The following RPN1 variants were observed in gnomAD, a reference collection of about 807,000 sequenced individuals.
RPN1 encodes the protein dolichyl-diphosphooligosaccharide--protein glycosyltransferase subunit 1.
Under a neutral mutation model 55.5 loss-of-function variants are expected in RPN1, and 12 were observed. That is an observed-to-expected ratio of 0.22 (90% CI 0.14 to 0.35). The LOEUF is 0.35. RPN1 is among the 10% of genes least tolerant of loss of function. The probability of loss-of-function intolerance (pLI) is 1.00; values close to 1 mark genes in which losing one functional copy is unlikely to be tolerated. For missense variants in RPN1, 679 were observed against 761.3 expected, an observed-to-expected ratio of 0.89 and a Z score of 1.27; for synonymous variants, 317 against 305.9, an observed-to-expected ratio of 1.04 and a Z score of -0.38.
intron 5 of RPN1, among the ~76,000 whole-genome samples, chr3:128,629,516 G>A (rs1260884635): frequency 2.0e-5 from 3 of 152,004 alleles, no homozygotes; most frequent in Non-Finnish European, 2.9e-5. Flanking sequence ...AGCCAAAATC[G>A]CACCATTCCA....
rs571683638 is a variant in RPN1 at position 128,630,575 on chromosome 3, T to C, written c.844-432A>G. On this transcript the variant is annotated intron_variant, in intron 4 of 9. Transcript: ENST00000296255. ...CAAATCTGTCAGTGTATTTTGATCA[T>C]GGGAGGAAGGTATAATACCTTTGTT... is the stretch of plus-strand genomic sequence containing the variant. 3.9e-5 allele frequency among the ~76,000 whole-genome samples: 6 copies of C among 152,272 alleles called. No homozygotes were observed. In the South Asian group the frequency reaches 1.0e-3, roughly 26 times the overall value.
intron 2 of RPN1, among the ~76,000 whole-genome samples, chr3:128,642,891 G>A (rs2069736861): frequency 6.6e-6 from 1 of 151,804 alleles, no homozygotes; most frequent in South Asian, 2.1e-4. Context: ...GGTAGCACGC[G>A]CCTTAATCCC....
At chr3:128,640,197 A>G (rs1351295869) in intron 2 of RPN1, among the ~76,000 whole-genome samples, 1 of 152,056 alleles carries the variant, frequency 6.6e-6, no homozygotes, top group Admixed American at 6.6e-5. Flanking sequence ...AGAAAAACAG[A>G]TGGCCTGGAA....
At chr3:128,622,497 G>T in intron 8 of RPN1, 88 bp from the exon 9 acceptor site, 1 of 1,530,872 alleles carries the variant, frequency 6.5e-7, no homozygotes, top group Non-Finnish European at 8.9e-7. Context: ...GCCACCAGCA[G>T]CCATCCAAAA....
intron 8 of RPN1, among the ~76,000 whole-genome samples, chr3:128,623,821 G>A (rs572373984): frequency 4.6e-5 from 7 of 152,236 alleles, no homozygotes; most frequent in African/African-American, 1.2e-4. Flanking sequence ...AGTTCTGAAC[G>A]TGCTGTTCTA....
intron 1 of RPN1, among the ~76,000 whole-genome samples, chr3:128,649,561 G>C (rs1576801417): frequency 6.6e-6 from 1 of 152,186 alleles, no homozygotes; most frequent in African/African-American, 2.4e-5. Context: ...AACGAAGTGT[G>C]CTTAGAAGAA....
rs754134712 is a variant in RPN1 at position 128,620,422 on chromosome 3, C to A, written c.1813G>T (p.Asp605Tyr). Residue 605 changes from aspartate to tyrosine, a missense_variant, in exon 10 of 10, where the codon GAT becomes TAT. Transcript: ENST00000296255. ...GATGCGGGCAGGGGCTACAGGGCAT[C>A]CAGGATGTGGTCGATCTTGGTGACC... is the stretch of plus-strand genomic sequence containing the variant. ...ELVTKIDHILDAL is the reference protein window; with the variant it reads ...ELVTKIDHILYAL 6.2e-7 allele frequency: 1 copy of A among 1,613,456 alleles called. No individual in the cohort carries two copies. Among genetic ancestry groups the A allele is most frequent in the Admixed American group, 1.7e-5 (1 of 59,974 alleles).
chr3:128,625,730 C>T (rs1215130456), intron 7 of RPN1, 77 bp from the exon 8 acceptor site: 16 of 1,598,372 alleles, frequency 1.0e-5, no homozygotes, highest in Non-Finnish European at 1.2e-5. Flanking sequence ...CTGGCCCACT[C>T]GACCTGCTGC....
chr3:128,630,288 G>C lies in RPN1; in HGVS notation c.844-145C>G, dbSNP rs187476415. ...CCCCAAACATAAACAACCTAAAAAA[G>C]TCTAACTTTCCCCACAAAGGTTTGC... On this transcript the variant is annotated intron_variant, in intron 4 of 9. Coordinates refer to ENST00000296255, the MANE Select transcript of RPN1 (RefSeq NM_002950.4). The C allele has an allele frequency of 2.1e-3, 1,102 of 512,948 alleles. 10 individuals carry two copies. The highest frequency in any genetic ancestry group is 0.013 in the African/African-American group (653 of 51,298). 31.8% of individuals were successfully genotyped at this position (512,948 alleles called of 1,614,324 possible).
intron 2 of RPN1, among the ~76,000 whole-genome samples, chr3:128,642,118 T>C (rs1284684968): frequency 6.6e-6 from 1 of 152,034 alleles, no homozygotes; most frequent in Admixed American, 6.6e-5. Flanking sequence ...ACAGACAGGG[T>C]ACTCAGACAG....
intron 1 of RPN1, among the ~76,000 whole-genome samples, chr3:128,647,059 GA>G (rs2107722849): frequency 6.6e-6 from 1 of 151,968 alleles, no homozygotes; most frequent in East Asian, 1.9e-4. Flanking sequence ...ACAGCAACAA[GA>G]TACATAACCA....
intron 1 of RPN1, among the ~76,000 whole-genome samples, chr3:128,645,354 C>T (rs1431161391): frequency 6.6e-6 from 1 of 152,030 alleles, no homozygotes; most frequent in Non-Finnish European, 1.5e-5. Flanking sequence ...CCTGTAATCC[C>T]AGCTACTCGG....
intron 3 of RPN1, among the ~76,000 whole-genome samples, chr3:128,636,222 A>G (rs145395415): frequency 1.3e-3 from 204 of 152,282 alleles, no homozygotes; most frequent in African/African-American, 4.7e-3. Flanking sequence ...GCACTTTGGG[A>G]GGCCGAGGCA....
Position 128,650,709 on chromosome 3 carries a change from A to T in RPN1, c.92T>A (p.Leu31Gln). ...TGTGCGCTTCACGTCCTCATTGATCAGCGGCGGTGCCTCGGAGGAGGCGCT... is the reference window on the plus strand; with the variant it reads ...TGTGCGCTTCACGTCCTCATTGATCTGCGGCGGTGCCTCGGAGGAGGCGCT... The part of the protein sequence containing the change: ...PGSASSEAPP[L>Q]INEDVKRTVD... The change falls in exon 1 of 10, where the codon CTG (leucine) becomes CAG (glutamine). Residue 31 changes from leucine to glutamine, a missense_variant. Transcript: ENST00000296255. 1 of 1,566,854 alleles carries T rather than the reference A, an allele frequency of 6.4e-7. No individual in the cohort carries two copies. The highest frequency in any genetic ancestry group is 8.7e-7 in the Non-Finnish European group (1 of 1,155,806).
intron 1 of RPN1, among the ~76,000 whole-genome samples, chr3:128,645,407 T>C (rs1281291548): frequency 6.6e-6 from 1 of 150,656 alleles, no homozygotes; most frequent in East Asian, 2.0e-4. Flanking sequence ...GAGGCAGAGG[T>C]TGCAGCCGGC....
chr3:128,638,302 A>C lies in RPN1; in HGVS notation c.327-197T>G, dbSNP rs537126594. ...AATGGTGCGATCTCGGCTCACCACA[A>C]CCTCCACCTCTTGGGTTCAAGCGAT... On this transcript the variant is annotated intron_variant, in intron 2 of 9. Coordinates refer to ENST00000296255, the MANE Select transcript of RPN1 (RefSeq NM_002950.4). Among the ~76,000 whole-genome samples, 5 of 151,952 alleles carry C rather than the reference A, an allele frequency of 3.3e-5. No homozygotes were observed. The South Asian group carries it at 1.0e-3, about 32-fold the overall frequency.
rs747796049 is a variant in RPN1 at position 128,622,184 on chromosome 3, C to T, written c.1621G>A (p.Gly541Ser). The T allele has an allele frequency of 6.2e-7, 1 of 1,614,228 alleles. No individual in the cohort carries two copies. The highest frequency in any genetic ancestry group is 8.5e-7 in the Non-Finnish European group (1 of 1,180,032). Residue 541 changes from glycine (G) to serine (S), a missense_variant, in exon 9 of 10, where the codon GGC becomes AGC. Physicochemically the swap from Gly to Ser is moderately conservative, Grantham distance 56. This residue lies in a region of RPN1 where 306 missense variants were observed against 360.0 expected (regional missense o/e 0.85). Transcript: ENST00000296255. The stretch of plus-strand genomic sequence containing the variant: ...CTTACTCTGTCGCACAGATCAGAGC[C>T]CTCTGTCTTCAGCCTGGACTGCAGC... ...ALLQSRLKTE[G>S]SDLCDRVSEM...
chr3:128,650,621 G>A lies in RPN1; in HGVS notation c.180C>T (p.Gly60=). 1 of 1,551,998 alleles carries A rather than the reference G, an allele frequency of 6.4e-7. No individual in the cohort carries two copies. The highest frequency in any genetic ancestry group is 8.7e-7 in the Non-Finnish European group (1 of 1,147,768). ...AAGAGGTAGCTCGGGACGTGGAGCCGCCGCCCAGGTGCGCCAGGACCACCT... is the reference window on the plus strand; with the variant it reads ...AAGAGGTAGCTCGGGACGTGGAGCCACCGCCCAGGTGCGCCAGGACCACCT... The part of the protein sequence containing the change: ...TAEVVLAHLG[G]GSTSRATSFL... The change falls in exon 1 of 10, where the codon GGC becomes GGT. Residue 60 remains glycine (G), a synonymous_variant. Coordinates refer to ENST00000296255, the MANE Select transcript of RPN1 (RefSeq NM_002950.4).
chr3:128,650,773 G>A lies in RPN1; in HGVS notation c.28C>T (p.Leu10=). ...GCCCAAGTCCCAAGCAACAGGAGCA[G>A]AAACAAGCCGGCGGCTGGCGCCTCC... MEAPAAGLF[L]LLLLGTWAPA... is the part of the protein sequence containing the mutation. Residue 10 remains leucine (L), a synonymous_variant, in exon 1 of 10, where the codon CTG becomes TTG. Transcript: ENST00000296255. 6.5e-7 allele frequency: 1 copy of A among 1,541,970 alleles called. No homozygotes were observed. Among genetic ancestry groups the A allele is most frequent in the Non-Finnish European group, 8.8e-7 (1 of 1,141,978 alleles).
Sources: allele counts gnomAD v4.1 joint callset (sites outside exome capture counted in the v4.1 genomes callset), GRCh38; gene constraint gnomAD v4.1.1; regional missense constraint gnomAD v4.1.1; transcripts MANE v1.5; gene names NCBI Gene and HGNC (gene_info 2026-07-23, HGNC 2026-07-21).